Variants in SAMD3 observed in about 807,000 individuals in gnomAD.
SAMD3 encodes the protein sterile alpha motif domain containing 3, also known as sterile alpha motif domain-containing protein 3.
In SAMD3, 63 loss-of-function variants were observed where a neutral mutation model predicts 58.5. The observed-to-expected ratio is 1.08, with a 90% CI of 0.88 to 1.33. The LOEUF (loss-of-function observed/expected upper bound fraction) is 1.33, where lower values mean the gene tolerates loss of function less well. Ranked by LOEUF, SAMD3 falls within the 40% of genes most tolerant of loss-of-function variation. The pLI, the probability that SAMD3 is intolerant of heterozygous loss-of-function variation, is 0.00. For missense variants in SAMD3, 604 were observed against 608.4 expected (o/e 0.99, Z 0.08); for synonymous variants, 220 against 210.3 (o/e 1.05, Z -0.40).
At chr6:130,270,702 A>G (rs896894863) in intron 2 of SAMD3, among the ~76,000 whole-genome samples, 1 of 152,238 alleles carries the variant, frequency 6.6e-6, no homozygotes, top group African/African-American at 2.4e-5. Flanking sequence ...ACATGAACAC[A>G]TAGATCTATT....
At chr6:130,318,909 T>C (rs762779723) in intron 1 of SAMD3, among the ~76,000 whole-genome samples, 1 of 152,180 alleles carries the variant, frequency 6.6e-6, no homozygotes, top group Non-Finnish European at 1.5e-5. Flanking sequence ...ATTCCATATA[T>C]TTATGGAGCT....
chr6:130,145,438 T>C lies in SAMD3; in HGVS notation c.1196-16A>G, dbSNP rs762802826. 26 of 1,562,898 alleles carry C rather than the reference T, an allele frequency of 1.7e-5. No individual in the cohort carries two copies. The highest frequency in any genetic ancestry group is 2.1e-5 in the Non-Finnish European group (24 of 1,136,958). ...ATCTTCATGTCTGTCAAAGCAAATA[T>C]GTTAACATGTGAAGTAAAAATAAGC... On this transcript the variant is annotated splice_polypyrimidine_tract_variant and intron_variant, in intron 10 of 11. Coordinates refer to ENST00000439090, the MANE Select transcript of SAMD3 (RefSeq NM_001017373.4).
intron 5 of SAMD3, among the ~76,000 whole-genome samples, chr6:130,195,554 C>G (rs952217216): frequency 1.1e-4 from 16 of 152,276 alleles, no homozygotes; most frequent in African/African-American, 3.6e-4. Flanking sequence ...CTCAATACCT[C>G]CCTCTACAAC....
At chr6:130,234,046 C>T (rs1211380816) in intron 2 of SAMD3, among the ~76,000 whole-genome samples, 1 of 152,074 alleles carries the variant, frequency 6.6e-6, no homozygotes, top group African/African-American at 2.4e-5. Context: ...GCCAAACTGC[C>T]CTCCATAGGG....
chr6:130,253,406 A>G lies in SAMD3; in HGVS notation c.-187-30593T>C, dbSNP rs149818193. On this transcript the variant is annotated intron_variant, in intron 2 of 13. Transcript: ENST00000368134. ...ACTACCTAAAATTCTTTTTCAATAG[A>G]TGAGCTTACATTTATTGATATGATA... Among the ~76,000 whole-genome samples, 1,157 of 152,266 alleles carry G rather than the reference A, an allele frequency of 7.6e-3. 13 individuals carry two copies. Among genetic ancestry groups the G allele is most frequent in the Middle Eastern group, 0.017 (5 of 294 alleles).
chr6:130,225,723 G>A (rs1039821616), upstream of SAMD3, among the ~76,000 whole-genome samples: 22 of 152,158 alleles, frequency 1.4e-4, no homozygotes, highest in Non-Finnish European at 2.9e-4. Flanking sequence ...GGAAGAAGAG[G>A]AAAAATATTT....
At chr6:130,153,361 G>C (rs879320521) in intron 9 of SAMD3, among the ~76,000 whole-genome samples, 8 of 152,086 alleles carry the variant, frequency 5.3e-5, no homozygotes, top group Non-Finnish European at 1.0e-4. Flanking sequence ...AGAACATGCT[G>C]TTACAGAGAA....
intron 5 of SAMD3, among the ~76,000 whole-genome samples, chr6:130,194,146 G>A (rs931100335): frequency 6.6e-6 from 1 of 152,030 alleles, no homozygotes; most frequent in African/African-American, 2.4e-5. Context: ...TCCCCCACCT[G>A]CCCAGCAATT....
At chr6:130,149,878 AAAAG>A (rs780916963) in intron 9 of SAMD3, among the ~76,000 whole-genome samples, 1 of 152,200 alleles carries the variant, frequency 6.6e-6, no homozygotes, top group Non-Finnish European at 1.5e-5. Flanking sequence ...AGTTGGAACA[AAAAG>A]AAAGCCCCCC....
At chr6:130,269,125 T>C (rs529048768) in intron 2 of SAMD3, among the ~76,000 whole-genome samples, 30 of 152,302 alleles carry the variant, frequency 2.0e-4, no homozygotes, top group Non-Finnish European at 3.2e-4. Flanking sequence ...TGAATTAATT[T>C]TGGTATAAGT....
At chr6:130,196,729 C>T (rs1181135090) in intron 5 of SAMD3, among the ~76,000 whole-genome samples, 1 of 151,188 alleles carries the variant, frequency 6.6e-6, no homozygotes, top group Non-Finnish European at 1.5e-5. Flanking sequence ...GAGGATTTGC[C>T]CCCACCCAGG....
Position 130,144,666 on chromosome 6 carries a change from A to G in SAMD3, c.1417T>C (p.Phe473Leu), listed in dbSNP as rs767707486. ...VTALAALVAAFHVFRIECPRR... is the reference protein window; with the variant it reads ...VTALAALVAALHVFRIECPRR... ...GGACACTCAATCCTAAATACATGAAAGGCAGCTACTAGCGCAGCCAAGGCT... is the reference window on the plus strand; with the variant it reads ...GGACACTCAATCCTAAATACATGAAGGGCAGCTACTAGCGCAGCCAAGGCT... Residue 473 changes from phenylalanine to leucine, a missense_variant, in exon 12 of 12, where the codon TTT (phenylalanine) becomes CTT (leucine). Physicochemically the swap from Phe to Leu is conservative, Grantham distance 22 (BLOSUM62 0). Coordinates refer to ENST00000439090, the MANE Select transcript of SAMD3 (RefSeq NM_001017373.4). 10 of 1,614,190 alleles carry G rather than the reference A, an allele frequency of 6.2e-6. No homozygotes were observed. The highest frequency in any genetic ancestry group is 1.3e-5 in the African/African-American group (1 of 75,060).
At chr6:130,301,672 A>G (rs1408111966) in intron 2 of SAMD3, among the ~76,000 whole-genome samples, 2 of 152,204 alleles carry the variant, frequency 1.3e-5, no homozygotes, top group Non-Finnish European at 2.9e-5. Flanking sequence ...ACGTTGCCTG[A>G]GTTTAAACTA....
chr6:130,291,141 A>T (rs1042530824), intron 2 of SAMD3, among the ~76,000 whole-genome samples: 1 of 152,128 alleles, frequency 6.6e-6, no homozygotes, highest in Non-Finnish European at 1.5e-5. Flanking sequence ...CCCAGGCTGG[A>T]GTGCAGTGGT....
In SAMD3 at chr6:130,335,742, T is replaced by C. The variant is rs150634281; in HGVS notation, c.-303-22649A>G. Among the ~76,000 whole-genome samples, 1,170 of 152,138 alleles carry C rather than the reference T, an allele frequency of 7.7e-3. 17 individuals carry two copies. Among genetic ancestry groups the C allele is most frequent in the African/African-American group, 0.026 (1,066 of 41,442 alleles). ...ATGTTTATTGCGGCTCTATTCACAA[T>C]AGCAAAGACTTGGAACCAACCCAAA... On this transcript the variant is annotated intron_variant, in intron 1 of 13. Coordinates refer to the SAMD3 transcript ENST00000368134.
intron 2 of SAMD3, among the ~76,000 whole-genome samples, chr6:130,301,553 C>A (rs909934549): frequency 1.3e-5 from 2 of 152,202 alleles, no homozygotes; most frequent in South Asian, 2.1e-4. Context: ...ATTACCAATG[C>A]CATTTTTTCA....
intron 9 of SAMD3, among the ~76,000 whole-genome samples, chr6:130,150,118 C>CGTGT (rs201682087): frequency 6.6e-6 from 1 of 151,466 alleles, no homozygotes; most frequent in Non-Finnish European, 1.5e-5. Flanking sequence ...TGTGTGCGCG[C>CGTGT]GTGTGTGTGT....
intron 1 of SAMD3, among the ~76,000 whole-genome samples, chr6:130,348,818 A>G (rs1228338066): frequency 2.2e-3 from 340 of 152,306 alleles, no homozygotes; most frequent in Admixed American, 3.5e-3. Context: ...AATTGACCAC[A>G]TAGTTGGAAG....
intron 1 of SAMD3, among the ~76,000 whole-genome samples, chr6:130,348,361 C>G (rs1777528134): frequency 6.6e-6 from 1 of 151,736 alleles, no homozygotes; most frequent in South Asian, 2.1e-4. Flanking sequence ...CACATAGGCT[C>G]AAAATAAAGG....
Sources: gnomAD v4.1 joint callset for allele counts (sites outside exome capture counted in the v4.1 genomes callset) on GRCh38, gnomAD v4.1.1 for gene constraint, MANE v1.5 for transcripts, NCBI Gene and HGNC (gene_info 2026-07-23, HGNC 2026-07-21) for gene names.